The following AOPEP variants were observed in gnomAD, a reference collection of about 807,000 sequenced individuals.
AOPEP encodes aminopeptidase O.
In AOPEP, 77 loss-of-function variants were observed where a neutral mutation model predicts 98.1. The observed-to-expected ratio is 0.78, with a 90% CI of 0.65 to 0.95. The LOEUF (loss-of-function observed/expected upper bound fraction) is 0.95. AOPEP is among the 40% of genes least tolerant of loss of function. The pLI, the probability that AOPEP is intolerant of heterozygous loss-of-function variation, is 0.00. For synonymous variants in AOPEP, 346 were observed against 365.3 expected, an observed-to-expected ratio of 0.95 and a Z score of 0.60; for missense variants, 1,024 against 1,024.7, an observed-to-expected ratio of 1.00 and a Z score of 0.01.
chr9:94,979,666 A>C (rs956306170), intron 11 of AOPEP, among the ~76,000 whole-genome samples: 1 of 152,014 alleles, frequency 6.6e-6, no homozygotes, highest in African/African-American at 2.4e-5. Context: ...TAGCTCCTGA[A>C]CTCCCTGCTA....
chr9:94,937,280 C>T (rs1331458790), intron 7 of AOPEP, among the ~76,000 whole-genome samples: 1 of 152,192 alleles, frequency 6.6e-6, no homozygotes, highest in Non-Finnish European at 1.5e-5. Context: ...TGCCAGGAAA[C>T]GAGGACAAAA....
chr9:94,759,994 G>A lies in AOPEP; in HGVS notation c.211G>A (p.Ala71Thr). ...EEACQSESNK[A>T]CKFGMPEPCH... Reference sequence around the variant, plus strand: ...AGCCTGCCAATCAGAATCAAACAAAGCCTGCAAATTTGGGATGCCTGAACC... The same window carrying A: ...AGCCTGCCAATCAGAATCAAACAAAACCTGCAAATTTGGGATGCCTGAACC... Residue 71 changes from alanine (A) to threonine (T), a missense_variant, in exon 2 of 17, where the codon GCC (alanine) becomes ACC (threonine). Physicochemically the swap from Ala to Thr is moderately conservative, Grantham distance 58 (BLOSUM62 0). Coordinates refer to ENST00000375315, the MANE Select transcript of AOPEP (RefSeq NM_001193329.3). 6.2e-7 allele frequency: 1 copy of A among 1,614,192 alleles called. No individual in the cohort carries two copies. The highest frequency in any genetic ancestry group is 1.1e-5 in the South Asian group (1 of 91,084).
At chr9:94,975,243 T>TAAC (rs2059769992) in intron 10 of AOPEP, among the ~76,000 whole-genome samples, 2 of 151,918 alleles carry the variant, frequency 1.3e-5, no homozygotes, top group Non-Finnish European at 2.9e-5. Context: ...TCTCTAATAA[T>TAAC]AATAATAATA....
intron 10 of AOPEP, among the ~76,000 whole-genome samples, chr9:94,969,910 G>A (rs1304012393): frequency 6.6e-6 from 1 of 152,180 alleles, no homozygotes; most frequent in Non-Finnish European, 1.5e-5. Context: ...TGCAGGGCCA[G>A]TAACCTCCAT....
Position 95,050,123 on chromosome 9 carries a change from A to T in AOPEP, c.2116-10571A>T, listed in dbSNP as rs544485053. On this transcript the variant is annotated intron_variant, in intron 13 of 16. Transcript: ENST00000375315. ...TTCCTTGGAAATAGTTTCTGTCGTG[A>T]TGGGCAGTATCTAAATTAATGAATT... is the stretch of plus-strand genomic sequence containing the variant. Among the ~76,000 whole-genome samples the T allele has an allele frequency of 3.3e-4, 50 of 152,354 alleles. No homozygotes were observed. In the South Asian group the frequency reaches 9.3e-3, roughly 28 times the overall value.
chr9:95,014,767 C>G (rs1343219712), intron 13 of AOPEP, among the ~76,000 whole-genome samples: 1 of 152,154 alleles, frequency 6.6e-6, no homozygotes, highest in Non-Finnish European at 1.5e-5. Context: ...ACTCAGAACT[C>G]TGGGTTTACA....
intron 6 of AOPEP, among the ~76,000 whole-genome samples, chr9:94,926,327 T>C: frequency 6.6e-6 from 1 of 152,082 alleles, no homozygotes; most frequent in South Asian, 2.1e-4. Flanking sequence ...TGGAAAGCCT[T>C]TGTGGAGGCG....
At position 94,760,112 on chromosome 9, in the gene AOPEP, C is replaced by G; in HGVS notation, c.329C>G (p.Ser110Cys). 6.2e-7 allele frequency: 1 copy of G among 1,614,110 alleles called. No homozygotes were observed. ...TGTAGTAAAGGTGAAAAAGATACTT[C>G]TGATAAAGATGGTAACCATGACAAC... is the stretch of plus-strand genomic sequence containing the variant. ...AICSKGEKDT[S>C]DKDGNHDNQE... Residue 110 changes from serine (S) to cysteine (C), a missense_variant, in exon 2 of 17, where the codon TCT (serine) becomes TGT (cysteine). Physicochemically the swap from Ser to Cys is moderately radical, Grantham distance 112. Transcript: ENST00000375315.
chr9:94,863,982 T>C (rs1011518040), intron 5 of AOPEP, among the ~76,000 whole-genome samples: 1 of 152,166 alleles, frequency 6.6e-6, no homozygotes, highest in African/African-American at 2.4e-5. Flanking sequence ...TAGATAGCCA[T>C]GTATTCAGTG....
chr9:95,034,945 A>T (rs1467903175), intron 13 of AOPEP, among the ~76,000 whole-genome samples: 4 of 150,970 alleles, frequency 2.6e-5, no homozygotes, highest in African/African-American at 9.7e-5. Flanking sequence ...ATTTCATTTA[A>T]TATTTGAAAG....
At chr9:94,881,310 G>A (rs2047560522) in intron 5 of AOPEP, among the ~76,000 whole-genome samples, 1 of 151,322 alleles carries the variant, frequency 6.6e-6, no homozygotes, top group Non-Finnish European at 1.5e-5. Context: ...AAACAGTGTG[G>A]CCTAATGGGA....
At chr9:94,870,192 G>C (rs1055051332) in intron 5 of AOPEP, among the ~76,000 whole-genome samples, 6 of 152,030 alleles carry the variant, frequency 3.9e-5, no homozygotes, top group Non-Finnish European at 8.8e-5. Context: ...GTTTCACCAT[G>C]TTAGCCAGGC....
intron 5 of AOPEP, among the ~76,000 whole-genome samples, chr9:94,885,443 A>G (rs2048129274): frequency 6.9e-6 from 1 of 145,598 alleles, no homozygotes; most frequent in African/African-American, 2.5e-5. Flanking sequence ...TATATCCTAT[A>G]TTAGTTATTT....
chr9:95,146,487 CAAAAAA>C, the AOPEP span, among the ~76,000 whole-genome samples: 25 of 45,570 alleles, frequency 5.5e-4, no homozygotes, highest in East Asian at 2.3e-3. Flanking sequence ...GACCCCATCT[CAAAAAA>C]AAAAAAAAAA....
At chr9:95,006,058 T>C (rs778841512) in intron 13 of AOPEP, 1 of 472,510 alleles carries the variant, frequency 2.1e-6, no homozygotes, top group South Asian at 1.5e-5. Context: ...TGGATTACTT[T>C]TAAAACACTA....
At chr9:94,935,897 AGT>A (rs1402643380) in intron 7 of AOPEP, among the ~76,000 whole-genome samples, 1 of 152,068 alleles carries the variant, frequency 6.6e-6, no homozygotes, top group Non-Finnish European at 1.5e-5. Context: ...CCCCTCCCAT[AGT>A]GTTGTACTCA....
chr9:94,848,929 A>G (rs1386079351), intron 5 of AOPEP, among the ~76,000 whole-genome samples: 1 of 152,094 alleles, frequency 6.6e-6, no homozygotes, highest in African/African-American at 2.4e-5. Flanking sequence ...GGCATGCATC[A>G]CCACACCCAG....
chr9:95,043,645 T>C (rs1448671498), intron 13 of AOPEP, among the ~76,000 whole-genome samples: 3 of 150,884 alleles, frequency 2.0e-5, no homozygotes, highest in Non-Finnish European at 4.4e-5. Context: ...CACACATCTG[T>C]ATAATTTTTA....
chr9:95,140,672 C>T, the AOPEP span, among the ~76,000 whole-genome samples: 1 of 152,280 alleles, frequency 6.6e-6, no homozygotes, highest in Non-Finnish European at 1.5e-5. Context: ...GAGATCAAGG[C>T]TGTTTGGGTT....
Sources: gnomAD v4.1 joint callset for allele counts (sites outside exome capture counted in the v4.1 genomes callset) on GRCh38, gnomAD v4.1.1 for gene constraint, MANE v1.5 for transcripts, NCBI Gene and HGNC (gene_info 2026-07-23, HGNC 2026-07-21) for gene names.